Variants in ALKBH1 observed in about 807,000 individuals in gnomAD.
The protein encoded by ALKBH1 is nucleic acid dioxygenase ALKBH1.
A neutral mutation model predicts 36.6 loss-of-function variants in ALKBH1; 31 were observed. The ratio of observed to expected loss-of-function variants is 0.85; its 90% CI spans 0.64 to 1.14. The LOEUF (loss-of-function observed/expected upper bound fraction) is 1.14. ALKBH1 is among the 50% of genes most tolerant of loss of function. The pLI, the probability that ALKBH1 is intolerant of heterozygous loss-of-function variation, is 0.00. For synonymous variants in ALKBH1, 183 were observed against 186.6 expected (o/e 0.98, Z 0.16); for missense variants, 490 against 497.3 (o/e 0.99, Z 0.14).
intron 3 of ALKBH1, among the ~76,000 whole-genome samples, chr14:77,681,556 T>A (rs2080238403): frequency 6.6e-6 from 1 of 152,148 alleles, no homozygotes; most frequent in Non-Finnish European, 1.5e-5. Flanking sequence ...CATACATACA[T>A]CAAGACCAGC....
Position 77,704,223 on chromosome 14 carries a change from T to C in ALKBH1, c.292+146A>G, listed in dbSNP as rs564280321. The C allele has an allele frequency of 5.3e-5, 34 of 644,412 alleles. No individual in the cohort carries two copies. In the African/African-American group the frequency reaches 6.1e-4, roughly 12 times the overall value. The allele number at this position is 644,412 out of a possible 1,614,324, so 39.9% of individuals were successfully genotyped here. ...CGGACGTCTTAGACAAGGTACAGTCTAGAATGGGTTTGGAAATGAAACATT... is the reference window on the plus strand; with the variant it reads ...CGGACGTCTTAGACAAGGTACAGTCCAGAATGGGTTTGGAAATGAAACATT... On this transcript the variant is annotated intron_variant, in intron 2 of 5. Transcript: ENST00000216489.
chr14:77,693,936 G>C (rs1046282588), intron 3 of ALKBH1, among the ~76,000 whole-genome samples: 1 of 152,110 alleles, frequency 6.6e-6, no homozygotes, highest in African/African-American at 2.4e-5. Context: ...GCAGTGAGCT[G>C]AGATCGCGCC....
intron 1 of ALKBH1, among the ~76,000 whole-genome samples, chr14:77,705,286 G>A (rs914595542): frequency 4.6e-5 from 7 of 151,756 alleles, no homozygotes; most frequent in Non-Finnish European, 7.4e-5. Flanking sequence ...AGTGGCGGGC[G>A]CCTGAAATCC....
chr14:77,681,068 T>C (rs1408324228), intron 3 of ALKBH1, among the ~76,000 whole-genome samples: 1 of 141,444 alleles, frequency 7.1e-6, no homozygotes, highest in South Asian at 2.3e-4. Flanking sequence ...ATTTAATTTT[T>C]CTCTGTTATT....
At chr14:77,688,699 G>A (rs922860003) in intron 3 of ALKBH1, among the ~76,000 whole-genome samples, 4 of 151,772 alleles carry the variant, frequency 2.6e-5, no homozygotes, top group Non-Finnish European at 5.9e-5. Flanking sequence ...AGCTTCCCTA[G>A]TAGCTGGGAT....
chr14:77,698,994 A>G (rs910698847), intron 2 of ALKBH1, among the ~76,000 whole-genome samples: 40 of 152,160 alleles, frequency 2.6e-4, no homozygotes, highest in African/African-American at 9.6e-4. Flanking sequence ...GCTGGTCTTG[A>G]ACTCCTGGCC....
intron 4 of ALKBH1, 144 bp from the exon 5 acceptor site, chr14:77,675,993 CTT>C: frequency 1.5e-6 from 1 of 685,092 alleles, no homozygotes; most frequent in South Asian, 2.3e-5. Flanking sequence ...CCATTCTTTT[CTT>C]TTCTTTTTTT....
At chr14:77,698,184 C>G (rs1325539958) in intron 2 of ALKBH1, among the ~76,000 whole-genome samples, 1 of 152,078 alleles carries the variant, frequency 6.6e-6, no homozygotes, top group Non-Finnish European at 1.5e-5. Context: ...TAAGGACTGG[C>G]AAGACCTAAG....
intron 4 of ALKBH1, among the ~76,000 whole-genome samples, chr14:77,676,248 G>A (rs891197801): frequency 1.3e-5 from 2 of 151,548 alleles, no homozygotes; most frequent in African/African-American, 4.8e-5. Context: ...CTCCCAAAGC[G>A]TTGTGATTAC....
intron 5 of ALKBH1, among the ~76,000 whole-genome samples, chr14:77,674,854 T>C (rs979568655): frequency 1.3e-5 from 2 of 152,156 alleles, no homozygotes; most frequent in Non-Finnish European, 1.5e-5. Context: ...GCCCAGCCTA[T>C]TGATGTGTCT....
chr14:77,673,952 G>C lies in ALKBH1; in HGVS notation c.1030C>G (p.Arg344Gly). Residue 344 changes from arginine (R) to glycine (G), a missense_variant, in exon 6 of 6, where the codon CGA becomes GGA. By Grantham distance (125) the Arg-to-Gly change is moderately radical. Coordinates refer to ENST00000216489, the MANE Select transcript of ALKBH1 (RefSeq NM_006020.3). ...TTCTGGTCTGTGGCCAGGACCTGTC[G>C]GACAGTCATGTTAACACGAGCGGTC... ...LKTARVNMTV[R>G]QVLATDQNFP... is the part of the protein sequence containing the mutation. 1.9e-6 allele frequency: 3 copies of C among 1,614,098 alleles called. No individual in the cohort carries two copies.
intron 3 of ALKBH1, chr14:77,683,674 C>T (rs971660628): frequency 8.5e-6 from 2 of 236,422 alleles, no homozygotes; most frequent in East Asian, 1.2e-4. Flanking sequence ...CAAGTTCCAG[C>T]GATTCTCCTG....
chr14:77,699,417 G>A (rs2080346356), intron 2 of ALKBH1, among the ~76,000 whole-genome samples: 1 of 152,164 alleles, frequency 6.6e-6, no homozygotes, highest in South Asian at 2.1e-4. Flanking sequence ...TTAACAATAA[G>A]TAAGTTTATT....
At position 77,672,920 on chromosome 14, in the gene ALKBH1, AC is replaced by A. The variant is rs2080183976; in HGVS notation, c.*891del. 6.6e-6 allele frequency: 1 copy of A among 152,226 alleles called. No homozygotes were observed. Among genetic ancestry groups the A allele is most frequent in the East Asian group, 1.9e-4 (1 of 5,202 alleles). The allele number at this position is 152,226 out of a possible 1,614,324, so 9.4% of individuals were successfully genotyped here. On this transcript the variant is annotated 3_prime_UTR_variant, in exon 6 of 6. Transcript: ENST00000216489. The stretch of plus-strand genomic sequence containing the variant: ...GACAGCCACAAAGAATACTTAGGGC[AC>A]AGCAGAATGGTGTAGGGCAGAAACA...
At chr14:77,703,183 A>G (rs1032111197) in intron 2 of ALKBH1, among the ~76,000 whole-genome samples, 14 of 151,856 alleles carry the variant, frequency 9.2e-5, no homozygotes, top group Non-Finnish European at 2.1e-4. Flanking sequence ...GGGTCTTACT[A>G]TGTTACCCGG....
intron 3 of ALKBH1, among the ~76,000 whole-genome samples, chr14:77,685,801 A>G (rs368267413): frequency 6.6e-6 from 1 of 152,158 alleles, no homozygotes; most frequent in African/African-American, 2.4e-5. Flanking sequence ...TTTTTGCGTT[A>G]TATTATAGAG....
At chr14:77,690,029 GATA>G (rs1175903308) in intron 3 of ALKBH1, among the ~76,000 whole-genome samples, 1 of 152,102 alleles carries the variant, frequency 6.6e-6, no homozygotes, top group Non-Finnish European at 1.5e-5. Flanking sequence ...AAAGCAAGAA[GATA>G]AAGAATGAGG....
rs147079831 is a variant in ALKBH1, at chr14:77,694,572, T to C, written c.455+166A>G. 6.2e-4 allele frequency among the ~76,000 whole-genome samples: 94 copies of C among 152,292 alleles called. 1 individual carries two copies. The highest frequency in any genetic ancestry group is 2.2e-3 in the African/African-American group (90 of 41,560). ...ATAACTGTCAAAGCATCTGTCCAAA[T>C]GTTCCTGGGGAAAGAATACAATTGT... On this transcript the variant is annotated intron_variant, in intron 3 of 5. Coordinates refer to ENST00000216489, the MANE Select transcript of ALKBH1 (RefSeq NM_006020.3).
intron 2 of ALKBH1, among the ~76,000 whole-genome samples, chr14:77,695,820 C>T (rs1383199150): frequency 2.0e-5 from 3 of 152,164 alleles, no homozygotes; most frequent in Non-Finnish European, 4.4e-5. Flanking sequence ...ATAGGCCGGG[C>T]GTGGTGGCTC....
Sources: gnomAD v4.1 joint callset for allele counts (sites outside exome capture counted in the v4.1 genomes callset) on GRCh38, gnomAD v4.1.1 for gene constraint, MANE v1.5 for transcripts, NCBI Gene and HGNC (gene_info 2026-07-23, HGNC 2026-07-21) for gene names.